GSTCD: variants seen among roughly 807,000 people sequenced by gnomAD.
GSTCD encodes the protein glutathione S-transferase C-terminal domain-containing protein.
GSTCD carries 44 observed loss-of-function variants against 68.3 expected under a neutral mutation model. The observed-to-expected ratio is 0.64, with a 90% confidence interval of 0.51 to 0.83. GSTCD has a LOEUF of 0.83. Among genes scored for constraint, GSTCD ranks in the 40% least tolerant of loss-of-function variants. The probability of loss-of-function intolerance (pLI) is 0.00; values close to 1 mark genes in which losing one functional copy is unlikely to be tolerated. For synonymous variants in GSTCD, 273 were observed against 255.2 expected, an observed-to-expected ratio of 1.07 and a Z score of -0.67; for missense variants, 739 against 735.9, an observed-to-expected ratio of 1.00 and a Z score of -0.05.
intron 1 of GSTCD, among the ~76,000 whole-genome samples, chr4:105,709,619 C>CCTTTATTCTTAATGCCAGG (rs1262153714): frequency 1.6e-4 from 24 of 152,312 alleles, no homozygotes; most frequent in African/African-American, 5.8e-4. Context: ...ACGTACTTCC[C>CCTTTATTCTTAATGCCAGG]ATCCCAACTT....
chr4:105,756,231 C>T (rs1286853690), intron 5 of GSTCD, among the ~76,000 whole-genome samples: 1 of 152,068 alleles, frequency 6.6e-6, no homozygotes, highest in Non-Finnish European at 1.5e-5. Flanking sequence ...CCCCCTGCTT[C>T]AGGGATTTTT....
Position 105,845,532 on chromosome 4 carries a change from G to A in GSTCD, c.1857G>A (p.Glu619=). Residue 619 remains glutamate, a synonymous_variant, in exon 12 of 12, where the codon GAG becomes GAA. Coordinates refer to ENST00000515279, the MANE Select transcript of GSTCD (RefSeq NM_001370181.1). ...YSVQVISMEP[E]SCSPKNNMIV... is the part of the protein sequence containing the mutation. The stretch of plus-strand genomic sequence containing the variant: ...TTCAAGTGATATCCATGGAGCCAGA[G>A]AGCTGCTCTCCCAAAAATAACATGA... The A allele has an allele frequency of 1.2e-6, 2 of 1,614,112 alleles. No individual in the cohort carries two copies. Among genetic ancestry groups the A allele is most frequent in the Admixed American group, 3.3e-5 (2 of 60,010 alleles).
Position 105,717,716 on chromosome 4 carries a change from T to G in GSTCD, c.103T>G (p.Leu35Val), listed in dbSNP as rs1389238075. 19 of 1,613,708 alleles carry G rather than the reference T, an allele frequency of 1.2e-5. No individual in the cohort carries two copies. Among genetic ancestry groups the G allele is most frequent in the Non-Finnish European group, 1.6e-5 (19 of 1,179,634 alleles). Residue 35 changes from leucine to valine, a missense_variant, in exon 2 of 12, where the codon TTA (leucine) becomes GTA (valine). Physicochemically the swap from Leu to Val is conservative, Grantham distance 32 (BLOSUM62 1). Coordinates refer to ENST00000515279, the MANE Select transcript of GSTCD (RefSeq NM_001370181.1). ...CTTTCCTCTTCATACATCTGTAACT[T>G]TATTTCTGTTATCTTACTGTGACTG... ...CIFPLHTSVT[L>V]FLLSYCDCKI...
intron 3 of GSTCD, among the ~76,000 whole-genome samples, chr4:105,724,703 A>G (rs1375225039): frequency 1.3e-5 from 2 of 151,950 alleles, no homozygotes; most frequent in Non-Finnish European, 2.9e-5. Context: ...GAGCTACAAA[A>G]TTTCTATGAG....
chr4:105,798,316 G>A (rs1204736778), intron 5 of GSTCD, among the ~76,000 whole-genome samples: 2 of 151,802 alleles, frequency 1.3e-5, no homozygotes. Context: ...CATCCATGAT[G>A]GTTAGAATTA....
chr4:105,724,721 A>C (rs1732975160), intron 3 of GSTCD, among the ~76,000 whole-genome samples: 1 of 151,996 alleles, frequency 6.6e-6, no homozygotes, highest in African/African-American at 2.4e-5. Flanking sequence ...GAGACCCCTC[A>C]AAATACATCA....
rs200636558 is a variant in GSTCD, at chr4:105,777,286, A to ATG, written c.1241-45660_1241-45659dup. ...TTTTGTATTTAATCTTAGCCGATGT[A>ATG]TGTGTGTGTATATATATATATGCTT... On this transcript the variant is annotated intron_variant, in intron 5 of 11. Transcript: ENST00000515279. Among the ~76,000 whole-genome samples, 501 of 152,196 alleles carry ATG rather than the reference A, an allele frequency of 3.3e-3. 2 individuals carry two copies. The highest frequency in any genetic ancestry group is 0.011 in the African/African-American group (453 of 41,526).
chr4:105,737,710 A>G (rs552735320), intron 5 of GSTCD, among the ~76,000 whole-genome samples: 15 of 152,318 alleles, frequency 9.8e-5, no homozygotes, highest in Non-Finnish European at 2.2e-4. Flanking sequence ...AGTACCATTT[A>G]TTGAAGAGAC....
At chr4:105,745,294 C>T (rs996393738) in intron 5 of GSTCD, among the ~76,000 whole-genome samples, 2 of 152,100 alleles carry the variant, frequency 1.3e-5, no homozygotes, top group Non-Finnish European at 2.9e-5. Context: ...AGTTCTCATG[C>T]AGATACTTGT....
chr4:105,774,240 T>C (rs1036613686), intron 5 of GSTCD, among the ~76,000 whole-genome samples: 2 of 152,214 alleles, frequency 1.3e-5, no homozygotes, highest in Admixed American at 6.5e-5. Flanking sequence ...TTTGAGCCTA[T>C]GTATGTCTTT....
Position 105,743,246 on chromosome 4 carries a change from A to G in GSTCD, c.1240+13747A>G, listed in dbSNP as rs188825516. ...ATTACAGGCATGACCCACCGCACCC[A>G]GCCTGTAATTTCTTATACTTTGTAT... On this transcript the variant is annotated intron_variant, in intron 5 of 11. Transcript: ENST00000515279. Among the ~76,000 whole-genome samples, 261 of 152,150 alleles carry G rather than the reference A, an allele frequency of 1.7e-3. 1 individual carries two copies. The highest frequency in any genetic ancestry group is 4.0e-4 in the Non-Finnish European group (27 of 67,988).
intron 5 of GSTCD, among the ~76,000 whole-genome samples, chr4:105,738,197 A>G (rs566752946): frequency 2.6e-5 from 4 of 152,290 alleles, no homozygotes; most frequent in African/African-American, 9.6e-5. Context: ...ACAAATGGTC[A>G]AAGACAAGTG....
chr4:105,718,946 T>C, intron 2 of GSTCD, 114 bp from the exon 3 acceptor site: 1 of 759,654 alleles, frequency 1.3e-6, no homozygotes, highest in Non-Finnish European at 2.1e-6. Flanking sequence ...CATAAAAGCC[T>C]AGCCCAGGGA....
chr4:105,810,496 GT>G (rs1254160803), intron 5 of GSTCD, among the ~76,000 whole-genome samples: 2 of 151,848 alleles, frequency 1.3e-5, no homozygotes, highest in Non-Finnish European at 2.9e-5. Context: ...TTTATATTCT[GT>G]TTTTTTACTG....
At chr4:105,818,106 A>C (rs1468119765) in intron 5 of GSTCD, among the ~76,000 whole-genome samples, 1 of 151,876 alleles carries the variant, frequency 6.6e-6, no homozygotes, top group African/African-American at 2.4e-5. Context: ...TATTTCAGGG[A>C]GACAGAAGCA....
chr4:105,708,850 G>C lies in GSTCD; in HGVS notation c.-188G>C, dbSNP rs28450989. ...CCGGCGCGAGTATTTTCCACATAAGGTGGCTGTCGTTTTTCTCCTGGCGTC... is the reference window on the plus strand; with the variant it reads ...CCGGCGCGAGTATTTTCCACATAAGCTGGCTGTCGTTTTTCTCCTGGCGTC... On this transcript the variant is annotated 5_prime_UTR_variant, in exon 1 of 12. Coordinates refer to ENST00000515279, the MANE Select transcript of GSTCD (RefSeq NM_001370181.1). 0.22 allele frequency: 34,048 copies of C among 153,130 alleles called. 5,119 individuals carry two copies. The highest frequency in any genetic ancestry group is 0.43 in the African/African-American group (17,855 of 41,494). The allele number at this position is 153,130 out of a possible 1,614,324, so 9.5% of individuals were successfully genotyped here. A position where few individuals can be genotyped will look rare whatever the true frequency, so the allele number is the denominator to read the frequency against.
chr4:105,729,229 A>G (rs1171348848), intron 4 of GSTCD, among the ~76,000 whole-genome samples, 177 bp from the exon 5 acceptor site: 1 of 152,166 alleles, frequency 6.6e-6, no homozygotes, highest in African/African-American at 2.4e-5. Context: ...TGTGATGTCA[A>G]AATACTCAAC....
At chr4:105,776,555 G>A (rs978558212) in intron 5 of GSTCD, among the ~76,000 whole-genome samples, 6 of 152,106 alleles carry the variant, frequency 3.9e-5, no homozygotes, top group Non-Finnish European at 4.4e-5. Flanking sequence ...CTTTCCTCAC[G>A]GCACAGTTCC....
At chr4:105,764,133 C>T (rs890094218) in intron 5 of GSTCD, among the ~76,000 whole-genome samples, 15 of 151,908 alleles carry the variant, frequency 9.9e-5, no homozygotes, top group South Asian at 2.1e-4. Context: ...CTAAATTACA[C>T]GTATAATATC....
Sources: gnomAD v4.1 joint callset for allele counts (sites outside exome capture counted in the v4.1 genomes callset) on GRCh38, gnomAD v4.1.1 for gene constraint, MANE v1.5 for transcripts, NCBI Gene and HGNC (gene_info 2026-07-23, HGNC 2026-07-21) for gene names.